The following MYO16 variants were observed in gnomAD, a reference collection of about 807,000 sequenced individuals.
MYO16 encodes unconventional myosin-XVI.
MYO16 carries 94 observed loss-of-function variants against 205.3 expected under a neutral mutation model. That is an observed-to-expected ratio of 0.46 (90% confidence interval 0.39 to 0.54). The LOEUF is 0.54. Ranked by LOEUF, MYO16 falls within the 20% of genes least tolerant of loss-of-function variation. MYO16 has a pLI of 0.00. For missense variants in MYO16, 2,315 were observed against 2,387.5 expected (o/e 0.97, Z 0.63); for synonymous variants, 988 against 954.0 (o/e 1.04, Z -0.66).
At chr13:108,551,814 A>G in the MYO16 span, among the ~76,000 whole-genome samples, 3 of 152,174 alleles carry the variant, frequency 2.0e-5, no homozygotes, top group Non-Finnish European at 2.9e-5. Context: ...TGGTTTTCTC[A>G]TGGTAACTGT....
rs190964794 is a variant in MYO16, at chr13:108,835,016, T to C, written c.1098-9327T>C. ...ATGCCATCAGCCTAGCTGTACAATT[T>C]GCACTTTTCTTGTAGAAAATAACGC... On this transcript the variant is annotated intron_variant, in intron 9 of 34. Coordinates refer to ENST00000457511, the MANE Select transcript of MYO16 (RefSeq NM_001198950.3). 2.6e-4 allele frequency among the ~76,000 whole-genome samples: 39 copies of C among 152,304 alleles called. No homozygotes were observed. The East Asian group carries it at 6.4e-3, about 25-fold the overall frequency.
chr13:109,087,686 T>C (rs1205490542), intron 27 of MYO16, among the ~76,000 whole-genome samples: 1 of 152,172 alleles, frequency 6.6e-6, no homozygotes, highest in Non-Finnish European at 1.5e-5. Context: ...CTTTAGCCAT[T>C]TTCAAGAACA....
chr13:108,964,638 T>C (rs1348109325), intron 19 of MYO16, 123 bp from the exon 20 acceptor site: 1 of 1,071,866 alleles, frequency 9.3e-7, no homozygotes, highest in East Asian at 2.4e-5. Flanking sequence ...AGAATCCGTA[T>C]AATTTTTATA....
chr13:109,175,055 T>G (rs1879107238), intron 33 of MYO16, among the ~76,000 whole-genome samples: 1 of 152,054 alleles, frequency 6.6e-6, no homozygotes, highest in African/African-American at 2.4e-5. Flanking sequence ...CAGCCCTCAT[T>G]CTTTTCTTTT....
intron 8 of MYO16, among the ~76,000 whole-genome samples, chr13:108,820,915 A>G (rs1278559917): frequency 1.3e-5 from 2 of 152,030 alleles, no homozygotes; most frequent in African/African-American, 4.8e-5. Context: ...TTTTTAATAA[A>G]TATATTTTTG....
At chr13:108,953,450 A>G (rs931248043) in intron 16 of MYO16, among the ~76,000 whole-genome samples, 4 of 152,214 alleles carry the variant, frequency 2.6e-5, no homozygotes, top group African/African-American at 9.6e-5. Flanking sequence ...ACCACATGCA[A>G]TATCTCATTT....
intron 33 of MYO16, among the ~76,000 whole-genome samples, chr13:109,179,196 T>C (rs1879348566): frequency 6.6e-6 from 1 of 152,162 alleles, no homozygotes; most frequent in Non-Finnish European, 1.5e-5. Flanking sequence ...AGTGACTCAG[T>C]GGGCCCGTCA....
At chr13:108,908,776 C>G (rs1881113977) in intron 15 of MYO16, among the ~76,000 whole-genome samples, 1 of 151,934 alleles carries the variant, frequency 6.6e-6, no homozygotes, top group African/African-American at 2.4e-5. Flanking sequence ...GAGTTCAATA[C>G]CAGCCTGGCC....
rs553977090 is a variant in MYO16, at chr13:109,170,456, G to A, written c.5323+5397G>A. ...GGAGGGGAAGGCCAGTAGCGATTTG[G>A]AGAGATGACTACAGGAGCTTCCGCA... is the stretch of plus-strand genomic sequence containing the variant. On this transcript the variant is annotated intron_variant, in intron 33 of 34. Coordinates refer to ENST00000457511, the MANE Select transcript of MYO16 (RefSeq NM_001198950.3). Among the ~76,000 whole-genome samples, 15 of 152,156 alleles carry A rather than the reference G, an allele frequency of 9.9e-5. 1 individual carries two copies. In the South Asian group the frequency reaches 3.1e-3, roughly 32 times the overall value.
At chr13:108,752,615 G>A (rs1403183637) in intron 4 of MYO16, among the ~76,000 whole-genome samples, 1 of 151,124 alleles carries the variant, frequency 6.6e-6, no homozygotes, top group Non-Finnish European at 1.5e-5. Flanking sequence ...TGTTTTGAAA[G>A]ATTATATGGC....
chr13:109,035,510 C>A (rs576228545), intron 23 of MYO16, among the ~76,000 whole-genome samples: 3 of 152,126 alleles, frequency 2.0e-5, no homozygotes, highest in African/African-American at 7.2e-5. Context: ...ATGGCAAAAC[C>A]CTGTTTCTAC....
intron 16 of MYO16, among the ~76,000 whole-genome samples, chr13:108,918,709 C>A (rs566237265): frequency 1.3e-5 from 2 of 152,168 alleles, no homozygotes; most frequent in East Asian, 1.9e-4. Context: ...GAGGCCGAGG[C>A]GGGCAGATCA....
intron 4 of MYO16, among the ~76,000 whole-genome samples, chr13:108,753,383 A>AAAAAAAC (rs1885313994): frequency 1.4e-5 from 2 of 147,726 alleles, no homozygotes; most frequent in African/African-American, 5.3e-5. Context: ...AAAAAAAAAA[A>AAAAAAAC]AAAAAAAAAA....
At chr13:108,604,115 A>G (rs1205500641) in intron 1 of MYO16, among the ~76,000 whole-genome samples, 2 of 152,140 alleles carry the variant, frequency 1.3e-5, no homozygotes, top group Non-Finnish European at 2.9e-5. Flanking sequence ...ATCTTGTAAG[A>G]ACTCACTCAC....
At chr13:108,957,563 C>T (rs978905838) in intron 16 of MYO16, 125 bp from the exon 17 acceptor site, 8 of 622,610 alleles carry the variant, frequency 1.3e-5, no homozygotes, top group Admixed American at 7.3e-5. Context: ...TTTGAAAACA[C>T]GTGGGGACAC....
chr13:109,123,094 C>T (rs978282536), intron 29 of MYO16, among the ~76,000 whole-genome samples: 1 of 152,084 alleles, frequency 6.6e-6, no homozygotes, highest in Admixed American at 6.5e-5. Context: ...CTTACATGGG[C>T]GGTATCTTAG....
At chr13:109,108,329 G>A (rs1000090622) in intron 28 of MYO16, among the ~76,000 whole-genome samples, 1 of 152,202 alleles carries the variant, frequency 6.6e-6, no homozygotes, top group Non-Finnish European at 1.5e-5. Flanking sequence ...GAAGGTATCT[G>A]CAGTGCGTTT....
intron 1 of MYO16, among the ~76,000 whole-genome samples, chr13:108,653,240 T>C (rs576667083): frequency 1.8e-4 from 27 of 152,222 alleles, no homozygotes; most frequent in Non-Finnish European, 3.4e-4. Context: ...GATTATTTGA[T>C]TTTTTGTTGC....
intron 27 of MYO16, among the ~76,000 whole-genome samples, chr13:109,077,412 C>G (rs1370928438): frequency 6.6e-6 from 1 of 152,110 alleles, no homozygotes; most frequent in African/African-American, 2.4e-5. Context: ...CCCTCAAACT[C>G]ACAGCCTCCA....
Sources: allele counts gnomAD v4.1 joint callset (sites outside exome capture counted in the v4.1 genomes callset), GRCh38; gene constraint gnomAD v4.1.1; transcripts MANE v1.5; gene names NCBI Gene and HGNC (gene_info 2026-07-23, HGNC 2026-07-21).